The following CDH13 variants were observed in gnomAD, a reference collection of about 807,000 sequenced individuals.
The protein encoded by CDH13 is cadherin-13.
A neutral mutation model predicts 63.8 loss-of-function variants in CDH13; 24 were observed. The ratio of observed to expected loss-of-function variants is 0.38; its 90% CI spans 0.27 to 0.53. The LOEUF (loss-of-function observed/expected upper bound fraction) is 0.53, where lower values mean the gene tolerates loss of function less well. CDH13 is among the 20% of genes least tolerant of loss of function. The probability of loss-of-function intolerance (pLI) is 0.85; values close to 1 mark genes in which losing one functional copy is unlikely to be tolerated. For missense variants in CDH13, 1,049 were observed against 903.1 expected (o/e 1.16, Z -2.07); for synonymous variants, 503 against 355.3 (o/e 1.42, Z -4.67).
chr16:83,497,419 C>A (rs1211205049), intron 7 of CDH13, among the ~76,000 whole-genome samples: 1 of 150,214 alleles, frequency 6.7e-6, no homozygotes, highest in Non-Finnish European at 1.5e-5. Context: ...GAACAAAAAA[C>A]CAAACACCGC....
intron 10 of CDH13, among the ~76,000 whole-genome samples, chr16:83,684,055 G>A (rs1904279718): frequency 6.6e-6 from 1 of 152,186 alleles, no homozygotes; most frequent in Non-Finnish European, 1.5e-5. Context: ...GAGGACTTAT[G>A]TAACTGAACT....
intron 1 of CDH13, among the ~76,000 whole-genome samples, chr16:82,641,342 T>C (rs1195618231): frequency 6.6e-6 from 1 of 152,226 alleles, no homozygotes; most frequent in Non-Finnish European, 1.5e-5. Flanking sequence ...GTTGTTGGAC[T>C]GTCAGGATAT....
chr16:83,658,428 A>C (rs1211412826), intron 8 of CDH13, among the ~76,000 whole-genome samples: 1 of 130,076 alleles, frequency 7.7e-6, no homozygotes, highest in Non-Finnish European at 1.6e-5. Context: ...CCGTATCCTC[A>C]GCAGCAAGGT....
chr16:83,528,544 C>G (rs759591372), intron 7 of CDH13, among the ~76,000 whole-genome samples: 9 of 152,080 alleles, frequency 5.9e-5, no homozygotes, highest in African/African-American at 1.7e-4. Flanking sequence ...TGGGAGGGCA[C>G]TTATCTTCAT....
chr16:82,777,708 T>C (rs2035561763), intron 1 of CDH13, among the ~76,000 whole-genome samples: 1 of 152,168 alleles, frequency 6.6e-6, no homozygotes, highest in Non-Finnish European at 1.5e-5. Flanking sequence ...AAAATCAAGG[T>C]GTCAACTGAG....
At chr16:82,869,688 G>A (rs565649559) in intron 2 of CDH13, among the ~76,000 whole-genome samples, 1 of 152,202 alleles carries the variant, frequency 6.6e-6, no homozygotes, top group South Asian at 2.1e-4. Context: ...CATTTACAGT[G>A]AACTCATTTT....
chr16:83,511,999 A>C (rs1301732100), intron 7 of CDH13, among the ~76,000 whole-genome samples: 1 of 152,124 alleles, frequency 6.6e-6, no homozygotes, highest in African/African-American at 2.4e-5. Context: ...AGTGTTAGCT[A>C]ATAGCATTAG....
At chr16:83,380,484 AT>A (rs1221777020) in intron 6 of CDH13, among the ~76,000 whole-genome samples, 1 of 152,188 alleles carries the variant, frequency 6.6e-6, no homozygotes, top group Non-Finnish European at 1.5e-5. Flanking sequence ...TACCTACCTA[AT>A]TTAGGATTAG....
intron 1 of CDH13, among the ~76,000 whole-genome samples, chr16:82,788,147 A>C (rs7186123): frequency 0.081 from 12,342 of 152,266 alleles, 601 homozygotes; most frequent in East Asian, 0.22. Flanking sequence ...GTAGGAATGC[A>C]TCTAGGAACC....
chr16:83,488,269 T>C (rs1251754943), intron 7 of CDH13, among the ~76,000 whole-genome samples: 1 of 152,232 alleles, frequency 6.6e-6, no homozygotes, highest in Non-Finnish European at 1.5e-5. Context: ...GCCTAGACTG[T>C]ATGTTTCCTG....
At chr16:83,612,349 T>C (rs1303027457) in intron 8 of CDH13, among the ~76,000 whole-genome samples, 1 of 152,068 alleles carries the variant, frequency 6.6e-6, no homozygotes, top group African/African-American at 2.4e-5. Flanking sequence ...GTCAGTGTCA[T>C]CATGGTATAT....
chr16:82,628,369 C>T (rs191485639), intron 1 of CDH13, among the ~76,000 whole-genome samples: 2 of 152,050 alleles, frequency 1.3e-5, no homozygotes, highest in South Asian at 2.1e-4. Flanking sequence ...TGAGAGTTTG[C>T]GGGTGAAAGG....
intron 10 of CDH13, among the ~76,000 whole-genome samples, chr16:83,746,120 T>C (rs997912317): frequency 6.6e-6 from 1 of 152,286 alleles, no homozygotes; most frequent in African/African-American, 2.4e-5. Context: ...TAACAAAGTA[T>C]TGCAAACATG....
chr16:82,806,579 A>C (rs1229523247), intron 1 of CDH13, among the ~76,000 whole-genome samples: 1 of 152,208 alleles, frequency 6.6e-6, no homozygotes, highest in Non-Finnish European at 1.5e-5. Flanking sequence ...AGTGAAAGTT[A>C]AGGAAAGGTC....
At position 83,711,004 on chromosome 16, in the gene CDH13, G is replaced by A. The variant is rs962561140; in HGVS notation, c.1538+32543G>A. Among the ~76,000 whole-genome samples the A allele has an allele frequency of 3.9e-5, 6 of 152,282 alleles. No homozygotes were observed. The East Asian group carries it at 7.7e-4, about 20-fold the overall frequency. ...CTGGGACTCAACCTGGGGAAGCCCC[G>A]CAGGCTGCTCAGCATGGATCAGTGA... On this transcript the variant is annotated intron_variant, in intron 10 of 13. Transcript: ENST00000567109.
intron 6 of CDH13, among the ~76,000 whole-genome samples, chr16:83,428,001 G>A (rs2071965755): frequency 6.6e-6 from 1 of 152,242 alleles, no homozygotes; most frequent in African/African-American, 2.4e-5. Flanking sequence ...CCTCTGGTCA[G>A]TTCCACTGGC....
intron 5 of CDH13, among the ~76,000 whole-genome samples, chr16:83,315,130 CCTGT>C (rs1314253243): frequency 6.6e-6 from 1 of 152,200 alleles, no homozygotes; most frequent in Non-Finnish European, 1.5e-5. Flanking sequence ...ACAATAGTAG[CCTGT>C]CTGTGTATGA....
intron 5 of CDH13, among the ~76,000 whole-genome samples, chr16:83,269,510 G>T (rs937729173): frequency 6.7e-6 from 1 of 149,268 alleles, no homozygotes; most frequent in Admixed American, 6.7e-5. Flanking sequence ...TCTTAGAATA[G>T]TGTGAGTTGT....
intron 8 of CDH13, among the ~76,000 whole-genome samples, chr16:83,606,882 G>GT (rs1006714203): frequency 6.6e-6 from 1 of 152,100 alleles, no homozygotes; most frequent in Non-Finnish European, 1.5e-5. Flanking sequence ...ATAACAGCCA[G>GT]TAACAGGAAG....
Sources: allele counts gnomAD v4.1 joint callset (sites outside exome capture counted in the v4.1 genomes callset), GRCh38; gene constraint gnomAD v4.1.1; transcripts MANE v1.5; gene names NCBI Gene and HGNC (gene_info 2026-07-23, HGNC 2026-07-21).